The following RNF166 variants were observed in gnomAD, a reference collection of about 807,000 sequenced individuals.
The protein encoded by RNF166 is ring finger protein 166.
In RNF166, 19 loss-of-function variants were observed where a neutral mutation model predicts 29.4. That is an observed-to-expected ratio of 0.65 (90% CI 0.45 to 0.95). The LOEUF is 0.95. RNF166 is among the 40% of genes least tolerant of loss of function. The pLI is 0.00. For synonymous variants in RNF166, 171 were observed against 134.5 expected (o/e 1.27, Z -1.88); for missense variants, 347 against 322.1 (o/e 1.08, Z -0.59).
At chr16:88,698,888 G>GCCGATCTTCT in intron 4 of RNF166, 83 bp downstream of exon 4, 1 of 1,140,686 alleles carries the variant, frequency 8.8e-7, no homozygotes, top group Non-Finnish European at 1.3e-6. Context: ...CCCCGGACTC[G>GCCGATCTTCT]CCGCGAGCAG....
In RNF166 at chr16:88,697,488, G is replaced by A. The variant is rs2879899; in HGVS notation, c.*80C>T. On this transcript the variant is annotated 3_prime_UTR_variant, in exon 6 of 6. Transcript: ENST00000312838. ...CTGTGAGCTCAGTCCGGTGAGGTGC[G>A]CTCCCGAGCAGGTGCCAGGTGCGAC... 0.2 allele frequency: 212,401 copies of A among 1,045,246 alleles called. 22,777 individuals are homozygous for A. Among genetic ancestry groups the A allele is most frequent in the South Asian group, 0.26 (18,510 of 71,796 alleles). 64.7% of individuals were successfully genotyped at this position (1,045,246 alleles called of 1,614,324 possible). A position where few individuals can be genotyped will look rare whatever the true frequency, so the allele number is the denominator to read the frequency against.
rs1909671678 is a variant in RNF166, at chr16:88,696,722, G to A, written c.*846C>T. 7.4e-6 allele frequency: 3 copies of A among 406,120 alleles called. No homozygotes were observed. Among genetic ancestry groups the A allele is most frequent in the Non-Finnish European group, 1.4e-5 (3 of 208,384 alleles). 25.2% of individuals were successfully genotyped at this position (406,120 alleles called of 1,614,324 possible). ...CAAGGCCAGGACTCTGGGTGGAGGAGGCCCCTTCTCTGCCGGCCCCGCCTC... is the reference window on the plus strand; with the variant it reads ...CAAGGCCAGGACTCTGGGTGGAGGAAGCCCCTTCTCTGCCGGCCCCGCCTC... On this transcript the variant is annotated 3_prime_UTR_variant, in exon 6 of 6. Coordinates refer to ENST00000312838, the MANE Select transcript of RNF166 (RefSeq NM_178841.4).
At chr16:88,698,079 G>A in intron 5 of RNF166, 1 of 570,750 alleles carries the variant, frequency 1.8e-6, no homozygotes, top group Non-Finnish European at 3.1e-6. Context: ...TGAGGAGTTT[G>A]TGCGAGGGTC....
rs1464774201 is a variant in RNF166 at position 88,701,364 on chromosome 16, T to G, written c.210A>C (p.Pro70=). 1 of 1,612,576 alleles carries G rather than the reference T, an allele frequency of 6.2e-7. No homozygotes were observed. Among genetic ancestry groups the G allele is most frequent in the Non-Finnish European group, 8.5e-7 (1 of 1,179,702 alleles). Residue 70 remains proline (P), a synonymous_variant, in exon 2 of 6, where the codon CCA becomes CCC. Coordinates refer to ENST00000312838, the MANE Select transcript of RNF166 (RefSeq NM_178841.4). ...PCLQVPSPLC[P]LCRLPFDPKK... ...TGGGGTCGAAGGGCAGGCGGCAGAG[T>G]GGGCACAGCGGGGATGGCACCTGCA...
rs1446881006 is a variant in RNF166 at position 88,699,082 on chromosome 16, G to A, written c.429C>T (p.Asn143=). The A allele has an allele frequency of 1.2e-6, 2 of 1,603,024 alleles. No individual in the cohort carries two copies. Among genetic ancestry groups the A allele is most frequent in the African/African-American group, 2.7e-5 (2 of 74,838 alleles). ...VVPTSQPIPS[N]IPNRSTFACP... The stretch of plus-strand genomic sequence containing the variant: ...AGGCGAAGGTGGACCTGTTGGGGAT[G>A]TTGCTGGCGGGGCGGGGGTAGAGTG... The change falls in exon 4 of 6, where the codon AAC becomes AAT. Residue 143 remains asparagine, a synonymous_variant. Transcript: ENST00000312838.
In RNF166 at chr16:88,706,362, C is replaced by T. The variant is rs1330132689; in HGVS notation, c.-37G>A. 1 of 1,221,782 alleles carries T rather than the reference C, an allele frequency of 8.2e-7. No individual in the cohort carries two copies. Among genetic ancestry groups the T allele is most frequent in the Non-Finnish European group, 1.0e-6 (1 of 981,060 alleles). 75.7% of individuals were successfully genotyped at this position (1,221,782 alleles called of 1,614,324 possible). A position where few individuals can be genotyped will look rare whatever the true frequency, so the allele number is the denominator to read the frequency against. ...GCCCGCGCCGCCCGCCGCCCGCTGT[C>T]CTGGCCCGGGCCGGCCCGCTAGTCA... is the stretch of plus-strand genomic sequence containing the variant. On this transcript the variant is annotated 5_prime_UTR_variant, in exon 1 of 6. Coordinates refer to ENST00000312838, the MANE Select transcript of RNF166 (RefSeq NM_178841.4).
At chr16:88,705,990 C>G (rs867829169) in intron 1 of RNF166, among the ~76,000 whole-genome samples, 181 bp downstream of exon 1, 2 of 151,972 alleles carry the variant, frequency 1.3e-5, no homozygotes, top group Non-Finnish European at 1.5e-5. Context: ...GGGATGAACG[C>G]GCCCAGAGGG....
intron 1 of RNF166, among the ~76,000 whole-genome samples, chr16:88,701,803 G>T (rs1186116271): frequency 1.3e-5 from 2 of 152,328 alleles, no homozygotes; most frequent in East Asian, 3.9e-4. Flanking sequence ...ACAGCCCGGG[G>T]ACTCTGGAAA....
chr16:88,701,252 A>T lies in RNF166; in HGVS notation c.312+10T>A, dbSNP rs774834548. ...ACCCCGGCTCCAGGGCGGCCCAAGC[A>T]GGCGGGTACCTTTTTGTTGCAGCCT... On this transcript the variant is annotated intron_variant, in intron 2 of 5. Coordinates refer to ENST00000312838, the MANE Select transcript of RNF166 (RefSeq NM_178841.4). The T allele has an allele frequency of 5.0e-6, 8 of 1,613,520 alleles. No homozygotes were observed. Among genetic ancestry groups the T allele is most frequent in the Non-Finnish European group, 6.8e-6 (8 of 1,179,896 alleles).
intron 4 of RNF166, 86 bp from the exon 5 acceptor site, chr16:88,698,695 C>A (rs1214754801): frequency 9.5e-7 from 1 of 1,049,290 alleles, no homozygotes; most frequent in South Asian, 1.6e-5. Flanking sequence ...CACTGAGCCC[C>A]GTCAGTGCTG....
rs73260600 is a variant in RNF166, at chr16:88,696,909, C to T, written c.*659G>A. On this transcript the variant is annotated 3_prime_UTR_variant, in exon 6 of 6. Coordinates refer to ENST00000312838, the MANE Select transcript of RNF166 (RefSeq NM_178841.4). ...CTGAGCTCTGGCAGCTGCCCCACTG[C>T]TCCTTCCATCCTTGCCCCAATCCCC... 2,178 of 233,318 alleles carry T rather than the reference C, an allele frequency of 9.3e-3. 61 individuals carry two copies. Among genetic ancestry groups the T allele is most frequent in the African/African-American group, 0.049 (2,068 of 42,384 alleles). 14.5% of individuals were successfully genotyped at this position (233,318 alleles called of 1,614,324 possible). A position where few individuals can be genotyped will look rare whatever the true frequency, so the allele number is the denominator to read the frequency against.
intron 1 of RNF166, chr16:88,704,408 G>A: frequency 4.1e-6 from 4 of 985,426 alleles, no homozygotes; most frequent in Non-Finnish European, 4.8e-6. Context: ...AGAAAAGCAT[G>A]GCAGAGGGGA....
chr16:88,704,361 G>A, intron 1 of RNF166: 2 of 985,466 alleles, frequency 2.0e-6, no homozygotes, highest in African/African-American at 1.7e-5. Flanking sequence ...GCTCTTGCAG[G>A]ACCCGCGGTG....
intron 5 of RNF166, 176 bp downstream of exon 5, chr16:88,698,326 C>A (rs752225021): frequency 1.5e-5 from 11 of 712,692 alleles, no homozygotes; most frequent in Non-Finnish European, 2.3e-5. Flanking sequence ...CAGCTGCCAT[C>A]ACTCCCCACC....
rs1382544572 is a variant in RNF166, at chr16:88,698,571, G to A, written c.579C>T (p.Pro193=). The change falls in exon 5 of 6, where the codon CCC becomes CCT. Residue 193 remains proline, a synonymous_variant. Transcript: ENST00000312838. ...PICSAMPWGD[P]SYKSANFLQH... ...GCAGGAAGTTGGCGCTCTTGTAGCT[G>A]GGGTCCCCCCAGGGCATTGCCGAGC... 6.4e-7 allele frequency: 1 copy of A among 1,565,476 alleles called. No individual in the cohort carries two copies. Among genetic ancestry groups the A allele is most frequent in the Non-Finnish European group, 8.7e-7 (1 of 1,155,060 alleles).
At chr16:88,705,587 G>GTCTGC (rs377557709) in intron 1 of RNF166, among the ~76,000 whole-genome samples, 8 of 152,188 alleles carry the variant, frequency 5.3e-5, no homozygotes, top group African/African-American at 1.7e-4. Context: ...GGTGGTCAGT[G>GTCTGC]TCTGCTCCTC....
At chr16:88,698,434 A>C in intron 5 of RNF166, 68 bp downstream of exon 5, 25 of 1,225,556 alleles carry the variant, frequency 2.0e-5, no homozygotes, top group Non-Finnish European at 2.8e-5. Context: ...GAGGCTGGCG[A>C]GGGGCCCGAG....
intron 2 of RNF166, chr16:88,700,835 T>C: frequency 2.8e-6 from 3 of 1,057,012 alleles, no homozygotes; most frequent in Non-Finnish European, 3.4e-6. Flanking sequence ...CTGGCCCTCC[T>C]GGCAGCTGGA....
chr16:88,699,863 C>T, intron 2 of RNF166, 131 bp from the exon 3 acceptor site: 1 of 610,444 alleles, frequency 1.6e-6, no homozygotes, highest in East Asian at 2.9e-5. Flanking sequence ...AGCAGGGGGA[C>T]CCGGTCCCTT....
Sources: gnomAD v4.1 joint callset for allele counts (sites outside exome capture counted in the v4.1 genomes callset) on GRCh38, gnomAD v4.1.1 for gene constraint, MANE v1.5 for transcripts, NCBI Gene and HGNC (gene_info 2026-07-23, HGNC 2026-07-21) for gene names.